Variants in VPS13B observed in about 807,000 individuals in gnomAD.
VPS13B encodes the protein vacuolar protein sorting 13 homolog B.
In VPS13B, 285 loss-of-function variants were observed where a neutral mutation model predicts 426.4. That is an observed-to-expected ratio of 0.67 (90% confidence interval 0.61 to 0.74). VPS13B has a LOEUF of 0.74. Ranked by LOEUF, VPS13B falls within the 30% of genes least tolerant of loss-of-function variation. The probability of loss-of-function intolerance (pLI) is 0.00; values close to 1 mark genes in which losing one functional copy is unlikely to be tolerated. For missense variants in VPS13B, 4,537 were observed against 4,782.6 expected (o/e 0.95, Z 1.51); for synonymous variants, 1,676 against 1,676.4 (o/e 1.00, Z 0.01).
chr8:99,167,372 A>C (rs911639323), intron 15 of VPS13B, among the ~76,000 whole-genome samples: 1 of 152,082 alleles, frequency 6.6e-6, no homozygotes, highest in African/African-American at 2.4e-5. Flanking sequence ...ACAAATCTTT[A>C]TGATGCTGAT....
chr8:99,621,958 C>A (rs557683270), intron 33 of VPS13B, among the ~76,000 whole-genome samples: 3 of 151,466 alleles, frequency 2.0e-5, no homozygotes, highest in Non-Finnish European at 4.4e-5. Context: ...CTCACGCTCC[C>A]GAGTAGCTGG....
rs1450759252 is a variant in VPS13B at position 99,360,160 on chromosome 8, TTCTTTC to T, written c.2825-24046_2825-24041del. ...TTTCTTTCTTTCTTTCTTTCTTTCT[TTCTTTC>T]TTTCTTTCTTTCTTTCTTTCTTTCT... On this transcript the variant is annotated intron_variant, in intron 19 of 61. Coordinates refer to ENST00000357162, the MANE Select transcript of VPS13B (RefSeq NM_152564.5). 1.5e-3 allele frequency among the ~76,000 whole-genome samples: 57 copies of T among 37,370 alleles called. 2 individuals carry two copies. The highest frequency in any genetic ancestry group is 7.2e-3 in the African/African-American group (54 of 7,514). 24.5% of individuals were successfully genotyped at this position (37,370 alleles called of 152,430 possible).
intron 52 of VPS13B, among the ~76,000 whole-genome samples, chr8:99,834,165 T>G (rs1815241928): frequency 6.6e-6 from 1 of 152,266 alleles, no homozygotes; most frequent in Non-Finnish European, 1.5e-5. Context: ...TTGACCCCTT[T>G]TAGTCAGCTG....
At chr8:99,834,576 AC>A (rs1815275692) in intron 52 of VPS13B, among the ~76,000 whole-genome samples, 1 of 151,596 alleles carries the variant, frequency 6.6e-6, no homozygotes, top group Non-Finnish European at 1.5e-5. Context: ...TTGCTCTGTC[AC>A]CCAGGCTCGA....
intron 33 of VPS13B, among the ~76,000 whole-genome samples, chr8:99,601,160 C>T (rs1465906983): frequency 6.6e-6 from 1 of 152,048 alleles, no homozygotes; most frequent in Non-Finnish European, 1.5e-5. Flanking sequence ...GCCCCTGACC[C>T]CCCAACAGGC....
intron 19 of VPS13B, among the ~76,000 whole-genome samples, chr8:99,300,591 T>C (rs916005516): frequency 6.6e-6 from 1 of 152,206 alleles, no homozygotes. Flanking sequence ...ACGTCCTTAC[T>C]TGTTTATCCC....
At chr8:99,749,777 A>G (rs1810300072) in intron 39 of VPS13B, among the ~76,000 whole-genome samples, 1 of 152,094 alleles carries the variant, frequency 6.6e-6, no homozygotes, top group Admixed American at 6.6e-5. Context: ...TTGCTGGATC[A>G]TATGATAGTT....
chr8:99,316,762 A>G (rs1191960259), intron 19 of VPS13B, among the ~76,000 whole-genome samples: 2 of 152,108 alleles, frequency 1.3e-5, no homozygotes, highest in Non-Finnish European at 2.9e-5. Context: ...TTTACTCACT[A>G]GGTTCTTCTG....
At position 99,819,540 on chromosome 8, in the gene VPS13B, C is replaced by A; in HGVS notation, c.8750C>A (p.Ser2917Ter). Residue 2917 changes from serine to a stop codon, truncating the protein, a stop_gained, in exon 48 of 62, where the codon TCG becomes TAG. Coordinates refer to ENST00000357162, the MANE Select transcript of VPS13B (RefSeq NM_152564.5). LOFTEE classifies it high-confidence loss of function. The stretch of plus-strand genomic sequence containing the variant: ...GACGAATTCTATGGGCCAGAAAAGT[C>A]GCTTCAACCCATATGGCCCTATAAT... ...ILDEFYGPEK[S>*]LQPIWPYNKK... 2 of 1,613,744 alleles carry A rather than the reference C, an allele frequency of 1.2e-6. No homozygotes were observed. The highest frequency in any genetic ancestry group is 1.7e-6 in the Non-Finnish European group (2 of 1,179,850).
chr8:99,103,065 T>C lies in VPS13B; in HGVS notation c.525T>C (p.Ser175=), dbSNP rs754507262. 1 of 1,614,070 alleles carries C rather than the reference T, an allele frequency of 6.2e-7. No individual in the cohort carries two copies. The highest frequency in any genetic ancestry group is 8.5e-7 in the Non-Finnish European group (1 of 1,179,948). ...TCGTCCTTTCCGTCAATATCACTTC[T>C]GCAGAATGTTATACAGTAGGTGAAT... ...DDIVLSVNIT[S]AECYTVGELW... is the part of the protein sequence containing the mutation. The change falls in exon 5 of 62, where the codon TCT becomes TCC. Residue 175 remains serine (S), a synonymous_variant. Transcript: ENST00000357162.
intron 16 of VPS13B, among the ~76,000 whole-genome samples, chr8:99,185,149 T>C (rs926986128): frequency 1.3e-5 from 2 of 152,244 alleles, no homozygotes; most frequent in Non-Finnish European, 2.9e-5. Context: ...ATCTCTAAGA[T>C]ATGTTGTTTA....
intron 25 of VPS13B, among the ~76,000 whole-genome samples, chr8:99,484,198 A>G (rs1384268484): frequency 6.6e-6 from 1 of 152,168 alleles, no homozygotes; most frequent in Non-Finnish European, 1.5e-5. Context: ...TAAATTGCTT[A>G]AAAAGAATTA....
intron 60 of VPS13B, 42 bp downstream of exon 60, chr8:99,870,929 G>T: frequency 6.3e-7 from 1 of 1,588,418 alleles, no homozygotes; most frequent in South Asian, 1.1e-5. Flanking sequence ...CATCCATATT[G>T]TATGTTAATA....
At chr8:99,677,740 A>AT (rs113491438) in intron 35 of VPS13B, among the ~76,000 whole-genome samples, 6,910 of 151,742 alleles carry the variant, frequency 0.046, 169 homozygotes, top group East Asian at 0.06. Flanking sequence ...AGTCATTTAG[A>AT]TTTTTTTTTA....
intron 56 of VPS13B, among the ~76,000 whole-genome samples, chr8:99,857,411 A>G (rs1729291659): frequency 6.6e-6 from 1 of 152,234 alleles, no homozygotes; most frequent in South Asian, 2.1e-4. Flanking sequence ...TTCTGCCGTT[A>G]GGTACACCCT....
intron 39 of VPS13B, among the ~76,000 whole-genome samples, chr8:99,751,819 T>C (rs1191436893): frequency 6.6e-6 from 1 of 152,182 alleles, no homozygotes; most frequent in Non-Finnish European, 1.5e-5. Context: ...GAAACATAGT[T>C]CTTTACCTAC....
chr8:99,421,220 AT>A (rs1816352360), intron 21 of VPS13B, among the ~76,000 whole-genome samples: 1 of 152,176 alleles, frequency 6.6e-6, no homozygotes, highest in African/African-American at 2.4e-5. Flanking sequence ...CATCCCCAAG[AT>A]ATAATTGTTG....
intron 2 of VPS13B, among the ~76,000 whole-genome samples, chr8:99,026,436 T>C (rs1587929853): frequency 6.6e-6 from 1 of 152,188 alleles, no homozygotes; most frequent in East Asian, 1.9e-4. Context: ...CCCGCAGCTG[T>C]TGTTCTGTAA....
intron 17 of VPS13B, among the ~76,000 whole-genome samples, chr8:99,242,915 A>G (rs1195411349): frequency 6.6e-6 from 1 of 152,086 alleles, no homozygotes; most frequent in Non-Finnish European, 1.5e-5. Flanking sequence ...CATAAAAGGG[A>G]TGTATATTTG....
Sources: gnomAD v4.1 joint callset for allele counts (sites outside exome capture counted in the v4.1 genomes callset) on GRCh38, gnomAD v4.1.1 for gene constraint, MANE v1.5 for transcripts, NCBI Gene and HGNC (gene_info 2026-07-23, HGNC 2026-07-21) for gene names.